PPP1R14D: variants seen among roughly 807,000 people sequenced by gnomAD.
PPP1R14D encodes protein phosphatase 1 regulatory inhibitor subunit 14D, also known as protein phosphatase 1 regulatory subunit 14D.
Under a neutral mutation model 17.1 loss-of-function variants are expected in PPP1R14D, and 14 were observed. The observed-to-expected ratio is 0.82, with a 90% CI of 0.54 to 1.28. The LOEUF is 1.28. PPP1R14D is among the 50% of genes most tolerant of loss of function. The probability of loss-of-function intolerance (pLI) is 0.00; values close to 1 mark genes in which losing one functional copy is unlikely to be tolerated. For missense variants in PPP1R14D, 173 were observed against 179.2 expected (o/e 0.97, Z 0.20); for synonymous variants, 67 against 66.1 (o/e 1.01, Z -0.06).
intron 1 of PPP1R14D, among the ~76,000 whole-genome samples, chr15:40,822,484 G>C (rs557743263): frequency 3.7e-4 from 56 of 150,920 alleles, no homozygotes; most frequent in African/African-American, 1.3e-3. Flanking sequence ...ATGGAGTTTC[G>C]CTCTTGTTGC....
chr15:40,817,239 C>T (rs192613370), intron 1 of PPP1R14D: 6 of 303,564 alleles, frequency 2.0e-5, no homozygotes, highest in Non-Finnish European at 4.2e-5. Context: ...TACCCGTAAT[C>T]CCAGCTACTC....
chr15:40,816,297 G>A lies in PPP1R14D; in HGVS notation c.256-44C>T, dbSNP rs112790572. On this transcript the variant is annotated intron_variant, in intron 1 of 3. Transcript: ENST00000299174. The stretch of plus-strand genomic sequence containing the variant: ...GGTCTCAGAGGGGCCTGACCAGCTG[G>A]TGCTGGAATGAAGGTTACTGTCAGG... 2.8e-5 allele frequency: 42 copies of A among 1,520,204 alleles called. No individual in the cohort carries two copies. The African/African-American group carries it at 5.8e-4, about 21-fold the overall frequency. 94.2% of individuals were successfully genotyped at this position (1,520,204 alleles called of 1,614,324 possible).
chr15:40,822,342 A>T (rs1376543458), intron 1 of PPP1R14D, among the ~76,000 whole-genome samples: 1 of 151,796 alleles, frequency 6.6e-6, no homozygotes, highest in African/African-American at 2.4e-5. Context: ...GAAAGAAAAA[A>T]ATATTTTTAT....
rs1461671623 is a variant in PPP1R14D, at chr15:40,828,467, C to T, written c.175G>A (p.Val59Met). ...PRSRRPSRLT[V>M]KYDRGQLQRW... is the part of the protein sequence containing the mutation. ...TGGAGCTGGCCCCGGTCATACTTCA[C>T]TGTCAGGCGGCTGGGTCTCCGGGAC... Residue 59 changes from valine (V) to methionine (M), a missense_variant, in exon 1 of 4, where the codon GTG becomes ATG. Transcript: ENST00000299174. 1 of 1,614,096 alleles carries T rather than the reference C, an allele frequency of 6.2e-7. No individual in the cohort carries two copies. Among genetic ancestry groups the T allele is most frequent in the Non-Finnish European group, 8.5e-7 (1 of 1,180,036 alleles).
intron 1 of PPP1R14D, among the ~76,000 whole-genome samples, chr15:40,826,010 G>A (rs1479137048): frequency 6.6e-6 from 1 of 152,222 alleles, no homozygotes; most frequent in Non-Finnish European, 1.5e-5. Context: ...CTGTATGCAA[G>A]TGCACAATAA....
At chr15:40,817,804 A>G (rs908801845) in intron 1 of PPP1R14D, among the ~76,000 whole-genome samples, 21 of 151,578 alleles carry the variant, frequency 1.4e-4, no homozygotes. Context: ...TGTAGAGACA[A>G]GTCTCAATAT....
intron 3 of PPP1R14D, 52 bp downstream of exon 3, chr15:40,815,910 C>T (rs1373055059): frequency 1.2e-6 from 2 of 1,605,798 alleles, no homozygotes; most frequent in Non-Finnish European, 1.7e-6. Context: ...CATTAGCTAC[C>T]TCCCCCATTG....
chr15:40,818,072 C>T (rs758261292), intron 1 of PPP1R14D, among the ~76,000 whole-genome samples: 8 of 151,920 alleles, frequency 5.3e-5, no homozygotes, highest in Non-Finnish European at 1.2e-4. Flanking sequence ...GGGCTGATCA[C>T]GAGGTCAGGA....
chr15:40,820,273 C>G (rs981025398), intron 1 of PPP1R14D, among the ~76,000 whole-genome samples: 1 of 151,834 alleles, frequency 6.6e-6, no homozygotes, highest in Non-Finnish European at 1.5e-5. Context: ...ATTCTCCTGC[C>G]TCAGCCTCCC....
intron 1 of PPP1R14D, among the ~76,000 whole-genome samples, chr15:40,818,767 T>C (rs569304657): frequency 1.3e-5 from 2 of 152,346 alleles, no homozygotes; most frequent in African/African-American, 4.8e-5. Flanking sequence ...TGTATGACAC[T>C]ATAACGGTGG....
At chr15:40,821,906 C>T (rs1042255290) in intron 1 of PPP1R14D, among the ~76,000 whole-genome samples, 3 of 152,052 alleles carry the variant, frequency 2.0e-5, no homozygotes, top group Admixed American at 1.3e-4. Context: ...CCAGCGTGGG[C>T]GATAAAGTGA....
At chr15:40,817,447 G>T (rs1177293671) in intron 1 of PPP1R14D, 2 of 151,972 alleles carry the variant, frequency 1.3e-5, no homozygotes, top group Non-Finnish European at 2.9e-5. Flanking sequence ...CACTAAATAA[G>T]ATATATAGAT....
At chr15:40,819,437 T>C (rs1205923697) in intron 1 of PPP1R14D, among the ~76,000 whole-genome samples, 1 of 151,328 alleles carries the variant, frequency 6.6e-6, no homozygotes, top group Non-Finnish European at 1.5e-5. Flanking sequence ...TAATCCCAGC[T>C]ATTTGGGAGG....
At chr15:40,817,927 C>T (rs1443315307) in intron 1 of PPP1R14D, among the ~76,000 whole-genome samples, 1 of 152,046 alleles carries the variant, frequency 6.6e-6, no homozygotes, top group Non-Finnish European at 1.5e-5. Context: ...CACACTCTTA[C>T]CATGCAGTCC....
chr15:40,823,809 T>C (rs1432565869), intron 1 of PPP1R14D, among the ~76,000 whole-genome samples: 2 of 152,146 alleles, frequency 1.3e-5, no homozygotes, highest in African/African-American at 4.8e-5. Context: ...TCACAGAATG[T>C]ATCCCTGTGG....
At chr15:40,823,273 T>C (rs561875513) in intron 1 of PPP1R14D, among the ~76,000 whole-genome samples, 1 of 151,982 alleles carries the variant, frequency 6.6e-6, no homozygotes, top group Non-Finnish European at 1.5e-5. Context: ...CCCTGGCTAA[T>C]TTTTAAAAAT....
chr15:40,826,135 A>G (rs1318537109), intron 1 of PPP1R14D, among the ~76,000 whole-genome samples: 2 of 152,164 alleles, frequency 1.3e-5, no homozygotes, highest in Non-Finnish European at 2.9e-5. Flanking sequence ...TCCCAGCTCC[A>G]AGGGGTCTCC....
At chr15:40,815,905 G>T (rs1002602267) in intron 3 of PPP1R14D, 57 bp downstream of exon 3, 34 of 1,596,702 alleles carry the variant, frequency 2.1e-5, no homozygotes, top group Non-Finnish European at 3.4e-6. Context: ...CTCCTCATTA[G>T]CTACCTCCCC....
intron 2 of PPP1R14D, 61 bp from the exon 3 acceptor site, chr15:40,816,055 C>T: frequency 6.2e-7 from 1 of 1,605,826 alleles, no homozygotes; most frequent in Non-Finnish European, 8.5e-7. Context: ...AAGTCCCCAC[C>T]AATCTCCCAA....
Sources: gnomAD v4.1 joint callset for allele counts (sites outside exome capture counted in the v4.1 genomes callset) on GRCh38, gnomAD v4.1.1 for gene constraint, MANE v1.5 for transcripts, NCBI Gene and HGNC (gene_info 2026-07-23, HGNC 2026-07-21) for gene names.